The following CALHM3 variants were observed in gnomAD, a reference collection of about 807,000 sequenced individuals.
CALHM3 encodes calcium homeostasis modulator 3, also known as calcium homeostasis modulator protein 3.
CALHM3 carries 9 observed loss-of-function variants against 13.6 expected under a neutral mutation model. That is an observed-to-expected ratio of 0.66 (90% CI 0.40 to 1.15). CALHM3 has a LOEUF of 1.15. Among genes scored for constraint, CALHM3 ranks in the 50% most tolerant of loss-of-function variants. CALHM3 has a pLI of 0.01. For missense variants in CALHM3, 497 were observed against 463.4 expected, an observed-to-expected ratio of 1.07 and a Z score of -0.67; for synonymous variants, 231 against 213.2, an observed-to-expected ratio of 1.08 and a Z score of -0.73.
Position 103,473,524 on chromosome 10 carries a change from A to C in CALHM3, c.724T>G (p.Cys242Gly), listed in dbSNP as rs2033351423. Residue 242 changes from cysteine (C) to glycine (G), a missense_variant, in exon 3 of 3, where the codon TGC becomes GGC. Physicochemically the swap from Cys to Gly is radical, Grantham distance 159. Coordinates refer to ENST00000369783, the MANE Select transcript of CALHM3 (RefSeq NM_001129742.2). ...ATGCTGGCAAAGAAGTGCAGCACGC[A>C]GCGGTGCGCGAAGTCCCGCGCATGC... ...CEHARDFAHRCVLHFFASMRS... is the reference protein window; with the variant it reads ...CEHARDFAHRGVLHFFASMRS... 1 of 1,551,186 alleles carries C rather than the reference A, an allele frequency of 6.4e-7. No individual in the cohort carries two copies. The highest frequency in any genetic ancestry group is 8.7e-7 in the Non-Finnish European group (1 of 1,147,004).
chr10:103,476,216 C>T, intron 2 of CALHM3, 78 bp downstream of exon 2: 1 of 1,521,954 alleles, frequency 6.6e-7, no homozygotes, highest in Non-Finnish European at 8.9e-7. Flanking sequence ...CCCTCCTCAC[C>T]ACCCCCTCAC....
chr10:103,478,374 C>G (rs1031997452), intron 1 of CALHM3, among the ~76,000 whole-genome samples: 1 of 152,204 alleles, frequency 6.6e-6, no homozygotes, highest in Non-Finnish European at 1.5e-5. Flanking sequence ...TCTTATTAAT[C>G]TGCCTTTTGT....
chr10:103,475,123 C>T (rs2033374386), intron 2 of CALHM3, among the ~76,000 whole-genome samples: 1 of 152,186 alleles, frequency 6.6e-6, no homozygotes, highest in South Asian at 2.1e-4. Flanking sequence ...TCCTCTCCCT[C>T]CTCTCTACCT....
At chr10:103,475,534 CTG>C (rs1344791942) in intron 2 of CALHM3, among the ~76,000 whole-genome samples, 1 of 152,170 alleles carries the variant, frequency 6.6e-6, no homozygotes, top group African/African-American at 2.4e-5. Context: ...GCATGATAAA[CTG>C]AGGTCCAGAG....
At chr10:103,476,009 A>G (rs368639946) in intron 2 of CALHM3, among the ~76,000 whole-genome samples, 35 of 152,336 alleles carry the variant, frequency 2.3e-4, no homozygotes, top group African/African-American at 8.4e-4. Context: ...TGGGATGATA[A>G]TGGTTGTTCC....
In CALHM3 at chr10:103,473,574, T is replaced by A. The variant is rs1377405363; in HGVS notation, c.674A>T (p.Lys225Met). The A allele has an allele frequency of 1.3e-6, 2 of 1,551,348 alleles. No individual in the cohort carries two copies. Among genetic ancestry groups the A allele is most frequent in the East Asian group, 4.9e-5 (2 of 40,922 alleles). ...CTCACAGCAGGTCTCGTCGAAGAGC[T>A]TCTGCTCCAGGTCCACGTAGTTGCT... is the stretch of plus-strand genomic sequence containing the variant. ...YWSNYVDLEQ[K>M]LFDETCCEHA... The change falls in exon 3 of 3, where the codon AAG (lysine) becomes ATG (methionine). Residue 225 changes from lysine to methionine, a missense_variant. Transcript: ENST00000369783.
chr10:103,473,707 G>A lies in CALHM3; in HGVS notation c.544-3C>T. The A allele has an allele frequency of 6.5e-7, 1 of 1,543,030 alleles. No homozygotes were observed. Among genetic ancestry groups the A allele is most frequent in the Non-Finnish European group, 8.7e-7 (1 of 1,143,824 alleles). On this transcript the variant is annotated splice_polypyrimidine_tract_variant and splice_region_variant and intron_variant, in intron 2 of 2. Coordinates refer to ENST00000369783, the MANE Select transcript of CALHM3 (RefSeq NM_001129742.2). The stretch of plus-strand genomic sequence containing the variant: ...AGGGTGACGCTCCAGCCGATGGCCT[G>A]CAAAGTAAGGAGGCCCGAGGTTAGA...
At chr10:103,474,377 C>T (rs1488996806) in intron 2 of CALHM3, among the ~76,000 whole-genome samples, 1 of 151,690 alleles carries the variant, frequency 6.6e-6, no homozygotes, top group Non-Finnish European at 1.5e-5. Flanking sequence ...TCATATGCTC[C>T]TCCTTCCTTC....
Position 103,478,882 on chromosome 10 carries a change from A to C in CALHM3, c.151T>G (p.Tyr51Asp), listed in dbSNP as rs1430724550. ...CPCLVHYNAL[Y>D]GLGLLLTPPL... ...GGCGTCAGCAGCAGGCCCAGGCCGT[A>C]GAGTGCATTGTAGTGCACCAGGCAG... is the stretch of plus-strand genomic sequence containing the variant. The change falls in exon 1 of 3, where the codon TAC (tyrosine) becomes GAC (aspartate). Residue 51 changes from tyrosine (Y) to aspartate (D), a missense_variant. Tyr to Asp is a radical substitution (Grantham distance 160). Coordinates refer to ENST00000369783, the MANE Select transcript of CALHM3 (RefSeq NM_001129742.2). The C allele has an allele frequency of 1.3e-6, 2 of 1,551,776 alleles. No homozygotes were observed. Among genetic ancestry groups the C allele is most frequent in the Non-Finnish European group, 1.7e-6 (2 of 1,147,012 alleles).
chr10:103,475,853 A>T (rs569347200), intron 2 of CALHM3, among the ~76,000 whole-genome samples: 1 of 152,256 alleles, frequency 6.6e-6, no homozygotes, highest in South Asian at 2.1e-4. Context: ...TTTTGGGAAG[A>T]TCAGCATCTG....
Position 103,473,642 on chromosome 10 carries a change from C to T in CALHM3, c.606G>A (p.Arg202=), listed in dbSNP as rs1458508385. ...GGAAGACTGTCTGGTCGAAGCAGGG[C>T]CTCAGGCAGCGGGCCAGGAAGGCCG... ...IIAAFLARCL[R]PCFDQTVFLQ... Residue 202 remains arginine (R), a synonymous_variant, in exon 3 of 3, where the codon AGG becomes AGA. Transcript: ENST00000369783. The T allele has an allele frequency of 6.4e-7, 1 of 1,551,148 alleles. No individual in the cohort carries two copies. The highest frequency in any genetic ancestry group is 8.7e-7 in the Non-Finnish European group (1 of 1,147,004).
At chr10:103,474,002 C>G (rs186239211) in intron 2 of CALHM3, among the ~76,000 whole-genome samples, 1 of 152,268 alleles carries the variant, frequency 6.6e-6, no homozygotes, top group Non-Finnish European at 1.5e-5. Context: ...TCTTTTGTAT[C>G]CCTGTGTCCT....
At chr10:103,476,148 G>C (rs2033384674) in intron 2 of CALHM3, 146 bp downstream of exon 2, 11 of 1,079,346 alleles carry the variant, frequency 1.0e-5, no homozygotes. Context: ...AGGCAAGGCA[G>C]AGCAGTGGTC....
Position 103,473,557 on chromosome 10 carries a change from A to C in CALHM3, c.691T>G (p.Cys231Gly). Residue 231 changes from cysteine (C) to glycine (G), a missense_variant, in exon 3 of 3, where the codon TGC (cysteine) becomes GGC (glycine). Physicochemically the swap from Cys to Gly is radical, Grantham distance 159. Coordinates refer to ENST00000369783, the MANE Select transcript of CALHM3 (RefSeq NM_001129742.2). Reference protein sequence around the residue: ...DLEQKLFDETCCEHARDFAHR... With the variant: ...DLEQKLFDETGCEHARDFAHR... ...GCGAAGTCCCGCGCATGCTCACAGC[A>C]GGTCTCGTCGAAGAGCTTCTGCTCC... 1 of 1,551,302 alleles carries C rather than the reference A, an allele frequency of 6.4e-7. No homozygotes were observed. Among genetic ancestry groups the C allele is most frequent in the Non-Finnish European group, 8.7e-7 (1 of 1,147,020 alleles).
At chr10:103,477,672 C>T (rs553610623) in intron 1 of CALHM3, among the ~76,000 whole-genome samples, 1 of 152,260 alleles carries the variant, frequency 6.6e-6, no homozygotes, top group East Asian at 1.9e-4. Context: ...CAGGTTCAAG[C>T]GATTCTCCTT....
In CALHM3 at chr10:103,473,450, C is replaced by G. The variant is rs2033349082; in HGVS notation, c.798G>C (p.Arg266Ser). 7.9e-6 allele frequency: 12 copies of G among 1,516,266 alleles called. No individual in the cohort carries two copies. Among genetic ancestry groups the G allele is most frequent in the Non-Finnish European group, 1.1e-5 (12 of 1,139,044 alleles). 93.9% of individuals were successfully genotyped at this position (1,516,266 alleles called of 1,614,324 possible). The change falls in exon 3 of 3, where the codon AGG becomes AGC. Residue 266 changes from arginine (R) to serine (S), a missense_variant. Transcript: ENST00000369783. ...ARGLRRGNAG[R>S]RLELPAVPEP... ...CAGGCACTGCGGGGAGCTCGAGTCT[C>G]CTGCCTGCATTGCCCCGGCGCAGCC...
chr10:103,473,454 C>T lies in CALHM3; in HGVS notation c.794G>A (p.Gly265Asp), dbSNP rs1345707608. The T allele has an allele frequency of 6.6e-7, 1 of 1,523,348 alleles. No individual in the cohort carries two copies. Among genetic ancestry groups the T allele is most frequent in the Non-Finnish European group, 8.8e-7 (1 of 1,140,052 alleles). The allele number at this position is 1,523,348 out of a possible 1,614,324, so 94.4% of individuals were successfully genotyped here. A position where few individuals can be genotyped will look rare whatever the true frequency, so the allele number is the denominator to read the frequency against. ...CACTGCGGGGAGCTCGAGTCTCCTG[C>T]CTGCATTGCCCCGGCGCAGCCCCCG... ...QARGLRRGNA[G>D]RRLELPAVPE... Residue 265 changes from glycine to aspartate, a missense_variant, in exon 3 of 3, where the codon GGC (glycine) becomes GAC (aspartate). By Grantham distance (94) the Gly-to-Asp change is moderately conservative. Coordinates refer to ENST00000369783, the MANE Select transcript of CALHM3 (RefSeq NM_001129742.2).
chr10:103,476,241 A>C, intron 2 of CALHM3, 53 bp downstream of exon 2: 1 of 1,545,428 alleles, frequency 6.5e-7, no homozygotes. Context: ...CTCCAGAACC[A>C]ATGCGGGGGA....
chr10:103,473,471 C>A lies in CALHM3; in HGVS notation c.777G>T (p.Leu259=), dbSNP rs1412248866. Residue 259 remains leucine, a synonymous_variant, in exon 3 of 3, where the codon CTG becomes CTT. Coordinates refer to ENST00000369783, the MANE Select transcript of CALHM3 (RefSeq NM_001129742.2). The part of the protein sequence containing the change: ...SMRSELQARG[L]RRGNAGRRLE... ...GTCTCCTGCCTGCATTGCCCCGGCG[C>A]AGCCCCCGCGCCTGCAGCTCACTCC... 2 of 1,546,058 alleles carry A rather than the reference C, an allele frequency of 1.3e-6. No individual in the cohort carries two copies. Among genetic ancestry groups the A allele is most frequent in the Non-Finnish European group, 1.7e-6 (2 of 1,144,606 alleles).
Sources: gnomAD v4.1 joint callset for allele counts (sites outside exome capture counted in the v4.1 genomes callset) on GRCh38, gnomAD v4.1.1 for gene constraint, MANE v1.5 for transcripts, NCBI Gene and HGNC (gene_info 2026-07-23, HGNC 2026-07-21) for gene names.